The following MAPRE2 variants were observed in gnomAD, a reference collection of about 807,000 sequenced individuals.
MAPRE2 encodes the protein microtubule associated protein RP/EB family member 2.
In MAPRE2, 13 loss-of-function variants were observed where a neutral mutation model predicts 43.2. The ratio of observed to expected loss-of-function variants is 0.30; its 90% confidence interval spans 0.20 to 0.48. The LOEUF (loss-of-function observed/expected upper bound fraction) is 0.48, where lower values mean the gene tolerates loss of function less well. Among genes scored for constraint, MAPRE2 ranks in the 20% least tolerant of loss-of-function variants. MAPRE2 has a pLI of 0.99. For missense variants in MAPRE2, 161 were observed against 400.2 expected, an observed-to-expected ratio of 0.40 and a Z score of 5.10; for synonymous variants, 135 against 148.8, an observed-to-expected ratio of 0.91 and a Z score of 0.68.
At chr18:35,025,580 TAGG>T (rs973413855) in intron 2 of MAPRE2, among the ~76,000 whole-genome samples, 1 of 152,186 alleles carries the variant, frequency 6.6e-6, no homozygotes, top group African/African-American at 2.4e-5. Context: ...CTCTTCACCC[TAGG>T]AGGACAGGGA....
At chr18:35,102,871 G>C (rs1908744406) in intron 4 of MAPRE2, among the ~76,000 whole-genome samples, 1 of 152,116 alleles carries the variant, frequency 6.6e-6, no homozygotes, top group Non-Finnish European at 1.5e-5. Flanking sequence ...GCACAATTAA[G>C]CATGAAATCA....
intron 2 of MAPRE2, among the ~76,000 whole-genome samples, chr18:35,091,370 T>C (rs1908142400): frequency 6.6e-6 from 1 of 152,188 alleles, no homozygotes; most frequent in Non-Finnish European, 1.5e-5. Flanking sequence ...ACTTGGGTCC[T>C]GTCTCCTAGA....
chr18:35,137,206 G>A (rs1910429679), intron 6 of MAPRE2, among the ~76,000 whole-genome samples: 1 of 152,228 alleles, frequency 6.6e-6, no homozygotes, highest in Non-Finnish European at 1.5e-5. Context: ...GTATTTCCCA[G>A]TGAGAGTTGT....
At chr18:35,058,659 T>C (rs1310483089) in intron 1 of MAPRE2, among the ~76,000 whole-genome samples, 1 of 152,198 alleles carries the variant, frequency 6.6e-6, no homozygotes, top group African/African-American at 2.4e-5. Flanking sequence ...AGCCAAAAAT[T>C]CATTCCCAGC....
At chr18:35,028,990 T>C (rs2150591183) in intron 2 of MAPRE2, among the ~76,000 whole-genome samples, 1 of 152,360 alleles carries the variant, frequency 6.6e-6, no homozygotes, top group East Asian at 1.9e-4. Context: ...AAATGGAGGC[T>C]TCTTAAAGGA....
chr18:35,075,420 T>C (rs963388963), intron 2 of MAPRE2, among the ~76,000 whole-genome samples: 4 of 152,214 alleles, frequency 2.6e-5, no homozygotes, highest in Admixed American at 6.5e-5. Flanking sequence ...ACCGATGAAA[T>C]CTGCTCAGAG....
At chr18:35,069,870 G>GCTA (rs147350647) in intron 1 of MAPRE2, among the ~76,000 whole-genome samples, 4,356 of 152,172 alleles carry the variant, frequency 0.029, 198 homozygotes, top group African/African-American at 0.1. Flanking sequence ...GGTGTATACT[G>GCTA]CTACAAACCT....
At chr18:35,042,924 CAAA>C in intron 1 of MAPRE2, among the ~76,000 whole-genome samples, 1 of 149,618 alleles carries the variant, frequency 6.7e-6, no homozygotes, top group East Asian at 1.9e-4. Context: ...TTTGTTGACT[CAAA>C]AAAAAAAAAA....
intron 3 of MAPRE2, among the ~76,000 whole-genome samples, chr18:35,098,540 G>A (rs749575353): frequency 2.0e-4 from 30 of 152,032 alleles, no homozygotes; most frequent in Non-Finnish European, 3.2e-4. Context: ...TCATTGTCTT[G>A]GAATTTTTAT....
chr18:35,112,172 T>C (rs1457936749), intron 4 of MAPRE2, among the ~76,000 whole-genome samples: 1 of 151,808 alleles, frequency 6.6e-6, no homozygotes, highest in East Asian at 1.9e-4. Context: ...TCTTTCTTTC[T>C]TTCCTTCCTT....
chr18:35,102,637 G>T (rs903686204), intron 4 of MAPRE2, among the ~76,000 whole-genome samples: 4 of 152,126 alleles, frequency 2.6e-5, no homozygotes, highest in African/African-American at 9.7e-5. Flanking sequence ...CAATTTTTAT[G>T]CAGTAACATT....
intron 5 of MAPRE2, among the ~76,000 whole-genome samples, chr18:35,130,031 G>A (rs559495451): frequency 3.3e-5 from 5 of 152,268 alleles, no homozygotes; most frequent in Non-Finnish European, 7.3e-5. Flanking sequence ...AGCCTGATTT[G>A]CACTAAAGGG....
At chr18:35,073,452 T>C (rs1431572571) in intron 2 of MAPRE2, among the ~76,000 whole-genome samples, 1 of 152,170 alleles carries the variant, frequency 6.6e-6, no homozygotes, top group Non-Finnish European at 1.5e-5. Context: ...TATGTAATAT[T>C]TTCTTCAATG....
chr18:35,024,974 C>G (rs921933675), intron 2 of MAPRE2, among the ~76,000 whole-genome samples: 1 of 152,134 alleles, frequency 6.6e-6, no homozygotes, highest in Non-Finnish European at 1.5e-5. Flanking sequence ...TTGGGAAACA[C>G]TAGAGGGTTA....
At position 35,121,291 on chromosome 18, in the gene MAPRE2, A is replaced by AATCTGAC. The variant is rs1310994600; in HGVS notation, c.611-5656_611-5650dup. Among the ~76,000 whole-genome samples, 5 of 152,206 alleles carry AATCTGAC rather than the reference A, an allele frequency of 3.3e-5. No homozygotes were observed. In the East Asian group the frequency reaches 9.6e-4, roughly 29 times the overall value. The stretch of plus-strand genomic sequence containing the variant: ...ATGCCCTGGCTTCACTAAGGCAGTG[A>AATCTGAC]ATCTGACCACTCCGAATTTTTTTAC... On this transcript the variant is annotated intron_variant, in intron 4 of 6. Transcript: ENST00000300249.
chr18:35,022,497 A>G (rs1167631206), intron 2 of MAPRE2, among the ~76,000 whole-genome samples: 1 of 152,218 alleles, frequency 6.6e-6, no homozygotes. Context: ...CTTAAATTGA[A>G]TCATGCTTTT....
chr18:35,094,233 ATTAT>A (rs1327078256), intron 2 of MAPRE2, among the ~76,000 whole-genome samples: 1 of 152,224 alleles, frequency 6.6e-6, no homozygotes, highest in Non-Finnish European at 1.5e-5. Context: ...AATGTATATA[ATTAT>A]TTATCAAAAA....
chr18:34,979,683 C>A (rs1179229961), intron 1 of MAPRE2, among the ~76,000 whole-genome samples: 1 of 151,972 alleles, frequency 6.6e-6, no homozygotes, highest in African/African-American at 2.4e-5. Flanking sequence ...ACAAAAAAGT[C>A]AAATACTACT....
intron 2 of MAPRE2, among the ~76,000 whole-genome samples, chr18:35,074,452 A>AG (rs1348537506): frequency 6.6e-6 from 1 of 152,170 alleles, no homozygotes; most frequent in Non-Finnish European, 1.5e-5. Context: ...GGGGACTTAG[A>AG]GGGGAAGAAA....
Sources: gnomAD v4.1 joint callset for allele counts (sites outside exome capture counted in the v4.1 genomes callset) on GRCh38, gnomAD v4.1.1 for gene constraint, MANE v1.5 for transcripts, NCBI Gene and HGNC (gene_info 2026-07-23, HGNC 2026-07-21) for gene names.